The following BRINP3 variants were observed in gnomAD, a reference collection of about 807,000 sequenced individuals.
The protein encoded by BRINP3 is BMP/retinoic acid inducible neural specific 3.
In BRINP3, 19 loss-of-function variants were observed where a neutral mutation model predicts 71.0. That is an observed-to-expected ratio of 0.27 (90% CI 0.19 to 0.39). The LOEUF (loss-of-function observed/expected upper bound fraction) is 0.39, where lower values mean the gene tolerates loss of function less well. Ranked by LOEUF, BRINP3 falls within the 10% of genes least tolerant of loss-of-function variation. BRINP3 has a pLI of 1.00. For missense variants in BRINP3, 959 were observed against 940.8 expected (o/e 1.02, Z -0.25); for synonymous variants, 380 against 337.7 (o/e 1.13, Z -1.37).
intron 1 of BRINP3, among the ~76,000 whole-genome samples, chr1:190,455,461 G>A (rs556654486): frequency 9.2e-5 from 14 of 152,126 alleles, no homozygotes; most frequent in African/African-American, 3.4e-4. Flanking sequence ...ATGTATATGT[G>A]TGTATATGTG....
At chr1:190,398,781 T>C (rs1408648268) in intron 2 of BRINP3, among the ~76,000 whole-genome samples, 1 of 151,998 alleles carries the variant, frequency 6.6e-6, no homozygotes, top group Non-Finnish European at 1.5e-5. Flanking sequence ...AGTGAGGAAA[T>C]TGGGATAATC....
At chr1:190,254,197 G>C (rs924206862) in intron 4 of BRINP3, among the ~76,000 whole-genome samples, 1 of 152,044 alleles carries the variant, frequency 6.6e-6, no homozygotes, top group Non-Finnish European at 1.5e-5. Flanking sequence ...AAGTCAGGTA[G>C]TGTGATGCCT....
chr1:190,115,839 C>G lies in BRINP3; in HGVS notation c.1185-16705G>C, dbSNP rs1653088726. ...TGGTGGATGAAATTGATTTTCTGAA[C>G]AGGTTCTACCTATCTTTCTATTTGG... On this transcript the variant is annotated intron_variant, in intron 7 of 7. Coordinates refer to ENST00000367462, the MANE Select transcript of BRINP3 (RefSeq NM_199051.3). Among the ~76,000 whole-genome samples, 3 of 152,122 alleles carry G rather than the reference C, an allele frequency of 2.0e-5. No individual in the cohort carries two copies. The South Asian group carries it at 6.2e-4, about 31-fold the overall frequency.
intron 5 of BRINP3, 126 bp from the exon 6 acceptor site, chr1:190,226,444 A>T: frequency 1.9e-6 from 1 of 517,974 alleles, no homozygotes; most frequent in Non-Finnish European, 3.2e-6. Flanking sequence ...ATGTATTTTT[A>T]AACTATCAGA....
At chr1:190,466,338 T>A (rs1290231365) in intron 1 of BRINP3, among the ~76,000 whole-genome samples, 1 of 151,756 alleles carries the variant, frequency 6.6e-6, no homozygotes, top group Non-Finnish European at 1.5e-5. Flanking sequence ...AGGCTTACCC[T>A]GGAGTTAACC....
chr1:190,445,581 A>G (rs1675160040), intron 2 of BRINP3, among the ~76,000 whole-genome samples: 1 of 151,806 alleles, frequency 6.6e-6, no homozygotes, highest in African/African-American at 2.4e-5. Flanking sequence ...ACTCACACAC[A>G]CACACACACA....
intron 7 of BRINP3, 25 bp downstream of exon 7, chr1:190,160,643 G>A: frequency 6.3e-7 from 1 of 1,591,450 alleles, no homozygotes; most frequent in East Asian, 2.2e-5. Context: ...AAACTTAATT[G>A]CTTACATTAC....
chr1:190,448,463 T>TGTGTGTGTG (rs1553324612), intron 2 of BRINP3, among the ~76,000 whole-genome samples: 188 of 125,156 alleles, frequency 1.5e-3, no homozygotes, highest in African/African-American at 2.2e-3. Context: ...CACTTGGGGT[T>TGTGTGTGTG]TGTGTGTGTG....
chr1:190,219,899 GAAAC>G (rs1445296415), intron 6 of BRINP3, among the ~76,000 whole-genome samples: 1 of 150,698 alleles, frequency 6.6e-6, no homozygotes, highest in Admixed American at 6.6e-5. Context: ...CAGTCAGAGG[GAAAC>G]AAACAAGCAA....
intron 2 of BRINP3, among the ~76,000 whole-genome samples, chr1:190,386,433 T>A (rs79357954): frequency 6.6e-6 from 1 of 151,658 alleles, no homozygotes; most frequent in South Asian, 2.1e-4. Flanking sequence ...AATGTATATA[T>A]TAATAATTAA....
intron 6 of BRINP3, among the ~76,000 whole-genome samples, chr1:190,213,215 G>A (rs1402346421): frequency 6.6e-6 from 1 of 152,032 alleles, no homozygotes; most frequent in Admixed American, 6.6e-5. Context: ...TTATGCCAAA[G>A]TATGGCAAGG....
At chr1:190,143,246 C>T (rs1655608232) in intron 7 of BRINP3, among the ~76,000 whole-genome samples, 1 of 152,076 alleles carries the variant, frequency 6.6e-6, no homozygotes, top group Admixed American at 6.6e-5. Flanking sequence ...TTACCTCTAC[C>T]ACATGGAGAC....
intron 7 of BRINP3, among the ~76,000 whole-genome samples, chr1:190,155,744 T>C (rs1656805965): frequency 6.6e-6 from 1 of 152,106 alleles, no homozygotes; most frequent in Non-Finnish European, 1.5e-5. Context: ...TCTCACAAGA[T>C]CTGATGTTTT....
At position 190,275,000 on chromosome 1, in the gene BRINP3, T is replaced by C. The variant is rs1350694767; in HGVS notation, c.427+6560A>G. On this transcript the variant is annotated intron_variant, in intron 3 of 7. Coordinates refer to ENST00000367462, the MANE Select transcript of BRINP3 (RefSeq NM_199051.3). ...ATTACTTTGACAAAGAAACATAATA[T>C]GTTTTGCAAAGTATCCCAAAGGAGA... Among the ~76,000 whole-genome samples the C allele has an allele frequency of 7.9e-5, 12 of 151,606 alleles. No homozygotes were observed. The Admixed American group carries it at 7.9e-4, about 10-fold the overall frequency.
chr1:190,379,843 C>CA (rs1670426512), intron 2 of BRINP3, among the ~76,000 whole-genome samples: 1 of 151,172 alleles, frequency 6.6e-6, no homozygotes, highest in South Asian at 2.1e-4. Context: ...ACTAAAGATA[C>CA]AAAAAATTAC....
intron 7 of BRINP3, among the ~76,000 whole-genome samples, chr1:190,102,576 T>C (rs927145590): frequency 1.3e-5 from 2 of 151,828 alleles, no homozygotes; most frequent in African/African-American, 4.8e-5. Flanking sequence ...TGCTTAATAA[T>C]ACTTCAGTAA....
intron 2 of BRINP3, among the ~76,000 whole-genome samples, chr1:190,298,958 T>A (rs1664461475): frequency 6.6e-6 from 1 of 152,158 alleles, no homozygotes; most frequent in African/African-American, 2.4e-5. Context: ...TTCTATTAAA[T>A]TTTGCTTACA....
intron 2 of BRINP3, among the ~76,000 whole-genome samples, chr1:190,334,517 T>G (rs996330725): frequency 9.9e-5 from 15 of 151,796 alleles, no homozygotes; most frequent in South Asian, 2.1e-4. Flanking sequence ...TTCCCCTTAT[T>G]TGAGGTGCAT....
chr1:190,317,685 T>C (rs994456717), intron 2 of BRINP3, among the ~76,000 whole-genome samples: 1 of 152,168 alleles, frequency 6.6e-6, no homozygotes, highest in Non-Finnish European at 1.5e-5. Flanking sequence ...AATAAGCATA[T>C]ATTTTTTCAT....
Sources: allele counts gnomAD v4.1 joint callset (sites outside exome capture counted in the v4.1 genomes callset), GRCh38; gene constraint gnomAD v4.1.1; transcripts MANE v1.5; gene names NCBI Gene and HGNC (gene_info 2026-07-23, HGNC 2026-07-21).